HBP1: variants seen among roughly 807,000 people sequenced by gnomAD.
The protein encoded by HBP1 is HMG-box transcription factor 1.
In HBP1, 20 loss-of-function variants were observed where a neutral mutation model predicts 62.6. That is an observed-to-expected ratio of 0.32 (90% CI 0.22 to 0.46). The LOEUF is 0.46. Ranked by LOEUF, HBP1 falls within the 20% of genes least tolerant of loss-of-function variation. The probability of loss-of-function intolerance (pLI) is 1.00; values close to 1 mark genes in which losing one functional copy is unlikely to be tolerated. For missense variants in HBP1, 480 were observed against 611.8 expected (o/e 0.78, Z 2.27); for synonymous variants, 232 against 206.2 (o/e 1.12, Z -1.07).
chr7:107,189,460 A>T lies in HBP1; in HGVS notation c.922+12A>T. On this transcript the variant is annotated intron_variant, in intron 7 of 10. Coordinates refer to ENST00000222574, the MANE Select transcript of HBP1 (RefSeq NM_012257.4). ...TGTTAAAAATAAAGGTAGGGCTTGA[A>T]TTGCATTTGTAGTAACTTTTTTTAA... 4 of 1,589,778 alleles carry T rather than the reference A, an allele frequency of 2.5e-6. No homozygotes were observed. The highest frequency in any genetic ancestry group is 3.4e-6 in the Non-Finnish European group (4 of 1,166,172).
chr7:107,191,754 T>C (rs1049213055), intron 8 of HBP1, among the ~76,000 whole-genome samples: 42 of 152,218 alleles, frequency 2.8e-4, no homozygotes, highest in Non-Finnish European at 4.4e-4. Context: ...TATGAGTCTA[T>C]TTTATGGAAT....
At chr7:107,198,815 A>ATAT (rs1798054947) in intron 9 of HBP1, among the ~76,000 whole-genome samples, 2 of 152,218 alleles carry the variant, frequency 1.3e-5, no homozygotes. Context: ...TTAGATGTGT[A>ATAT]TATTTTACAT....
intron 1 of HBP1, among the ~76,000 whole-genome samples, chr7:107,174,101 GT>G (rs1208571341): frequency 1.3e-5 from 2 of 152,202 alleles, no homozygotes; most frequent in Non-Finnish European, 2.9e-5. Context: ...TTTGTATGTA[GT>G]TTTGAATTTT....
rs1468486010 is a variant in HBP1 at position 107,196,089 on chromosome 7, C to T, written c.1323C>T (p.Phe441=). Residue 441 remains phenylalanine, a synonymous_variant, in exon 9 of 11, where the codon TTC becomes TTT. Coordinates refer to ENST00000222574, the MANE Select transcript of HBP1 (RefSeq NM_012257.4). ...AGTGCAAAAGACCAATGAATGCCTT[C>T]ATGCTTTTTGCCAAAAAATACAGAG... ...PNKCKRPMNA[F]MLFAKKYRVE... is the part of the protein sequence containing the mutation. 6.2e-7 allele frequency: 1 copy of T among 1,613,184 alleles called. No homozygotes were observed.
chr7:107,196,584 A>G, intron 9 of HBP1: 1 of 259,290 alleles, frequency 3.9e-6, no homozygotes, highest in South Asian at 3.8e-5. Flanking sequence ...ACTTTAAAGT[A>G]AAAAGTTTAA....
rs1406995540 is a variant in HBP1 at position 107,189,367 on chromosome 7, A to G, written c.841A>G (p.Thr281Ala). The change falls in exon 7 of 11, where the codon ACT becomes GCT. Residue 281 changes from threonine to alanine, a missense_variant. Thr to Ala is a moderately conservative substitution (Grantham distance 58). Transcript: ENST00000222574. ...VSFGESVLKL[T>A]FDPGTVEDGL... ...ATTTGGCGAGTCTGTACTGAAGTTG[A>G]CTTTTGATCCTGGTACAGTAGAAGA... is the stretch of plus-strand genomic sequence containing the variant. 4 of 1,612,556 alleles carry G rather than the reference A, an allele frequency of 2.5e-6. No individual in the cohort carries two copies. The highest frequency in any genetic ancestry group is 2.5e-6 in the Non-Finnish European group (3 of 1,178,770).
In HBP1 at chr7:107,182,534, C is replaced by T. The variant is rs767781110; in HGVS notation, c.331C>T (p.Leu111=). The T allele has an allele frequency of 6.2e-7, 1 of 1,613,642 alleles. No homozygotes were observed. Among genetic ancestry groups the T allele is most frequent in the South Asian group, 1.1e-5 (1 of 91,064 alleles). Residue 111 remains leucine, a synonymous_variant, in exon 3 of 11, where the codon CTA becomes TTA. Transcript: ENST00000222574. The part of the protein sequence containing the change: ...TTYRENEVDW[L]TELANIATSP... ...TTACCGTGAAAATGAGGTGGACTGG[C>T]TAACAGAATTGGCAAATATCGCGAC...
chr7:107,195,025 TTTTAAGTTCC>T (rs1429747377), intron 8 of HBP1, among the ~76,000 whole-genome samples: 2 of 152,180 alleles, frequency 1.3e-5, no homozygotes, highest in Non-Finnish European at 2.9e-5. Flanking sequence ...TTACTGGGCA[TTTTAAGTTCC>T]TTTATTTGTT....
intron 1 of HBP1, among the ~76,000 whole-genome samples, chr7:107,171,479 C>T (rs1796593335): frequency 6.6e-6 from 1 of 152,024 alleles, no homozygotes; most frequent in African/African-American, 2.4e-5. Flanking sequence ...GCTGAGGGTT[C>T]TTCAGGGTGA....
At position 107,182,416 on chromosome 7, in the gene HBP1, A is replaced by G. The variant is rs751867690; in HGVS notation, c.213A>G (p.Gln71=). Residue 71 remains glutamine (Q), a synonymous_variant, in exon 3 of 11, where the codon CAA becomes CAG. Transcript: ENST00000222574. The stretch of plus-strand genomic sequence containing the variant: ...AGGCAGTTCAAAGTGATCCTACCCA[A>G]TCTGGCATGTACCAGCTGAGTTCAG... ...ELQAVQSDPT[Q]SGMYQLSSDV... 3 of 1,613,648 alleles carry G rather than the reference A, an allele frequency of 1.9e-6. No homozygotes were observed. The highest frequency in any genetic ancestry group is 1.1e-5 in the South Asian group (1 of 91,072).
intron 6 of HBP1, 46 bp downstream of exon 6, chr7:107,186,727 A>C: frequency 9.5e-7 from 1 of 1,053,878 alleles, no homozygotes; most frequent in South Asian, 1.3e-5. Flanking sequence ...TTTCCAAATG[A>C]AACAAGATTT....
chr7:107,176,260 G>A (rs1038194609), intron 1 of HBP1, among the ~76,000 whole-genome samples: 1 of 151,910 alleles, frequency 6.6e-6, no homozygotes, highest in Non-Finnish European at 1.5e-5. Flanking sequence ...TCCTGACCTC[G>A]TGATCCGCCC....
At chr7:107,196,275 T>C in intron 9 of HBP1, 124 bp downstream of exon 9, 1 of 730,118 alleles carries the variant, frequency 1.4e-6, no homozygotes, top group South Asian at 1.5e-5. Flanking sequence ...GTTGACTTTT[T>C]TGTTTGTTTT....
At chr7:107,186,114 C>G (rs562498175) in intron 4 of HBP1, among the ~76,000 whole-genome samples, 172 bp downstream of exon 4, 1 of 149,142 alleles carries the variant, frequency 6.7e-6, no homozygotes, top group East Asian at 2.0e-4. Context: ...GTGCGTATAA[C>G]TAAAGCTTCC....
chr7:107,190,260 C>G lies in HBP1; in HGVS notation c.1010C>G (p.Pro337Arg). ...EVHIGDVCLP[P>R]GHPDAINFDD... ...CATATTGGCGATGTATGTCTACCTC[C>G]TGGACACCCCGATGCCATTAATTTT... The change falls in exon 8 of 11, where the codon CCT (proline) becomes CGT (arginine). Residue 337 changes from proline to arginine, a missense_variant. Pro to Arg is a moderately radical substitution (Grantham distance 103). Transcript: ENST00000222574. 2 of 1,611,186 alleles carry G rather than the reference C, an allele frequency of 1.2e-6. No homozygotes were observed. Among genetic ancestry groups the G allele is most frequent in the East Asian group, 4.5e-5 (2 of 44,824 alleles).
At chr7:107,193,443 A>C (rs551769048) in intron 8 of HBP1, 1 of 152,140 alleles carries the variant, frequency 6.6e-6, no homozygotes, top group Non-Finnish European at 1.5e-5. Flanking sequence ...TTCTACAATA[A>C]TAGATACTCC....
intron 8 of HBP1, chr7:107,193,387 G>C (rs539942032): frequency 3.3e-5 from 5 of 152,144 alleles, no homozygotes; most frequent in South Asian, 4.1e-4. Context: ...CCCATATCTT[G>C]TAAAGATTCC....
chr7:107,177,757 T>C (rs1796923515), intron 1 of HBP1, among the ~76,000 whole-genome samples: 1 of 152,204 alleles, frequency 6.6e-6, no homozygotes, highest in African/African-American at 2.4e-5. Flanking sequence ...TGAGTATATG[T>C]GTACATGAAG....
intron 1 of HBP1, 52 bp from the exon 2 acceptor site, chr7:107,179,827 T>C: frequency 8.3e-7 from 1 of 1,209,458 alleles, no homozygotes; most frequent in Non-Finnish European, 1.2e-6. Flanking sequence ...GTTTGTGTAC[T>C]GCCCAAATTG....
Sources: allele counts gnomAD v4.1 joint callset (sites outside exome capture counted in the v4.1 genomes callset), GRCh38; gene constraint gnomAD v4.1.1; transcripts MANE v1.5; gene names NCBI Gene and HGNC (gene_info 2026-07-23, HGNC 2026-07-21).